The following MACROD2 variants were observed in gnomAD, a reference collection of about 807,000 sequenced individuals.
MACROD2 encodes mono-ADP ribosylhydrolase 2.
A neutral mutation model predicts 70.4 loss-of-function variants in MACROD2; 36 were observed. That is an observed-to-expected ratio of 0.51 (90% CI 0.39 to 0.68). The LOEUF is 0.68. MACROD2 is among the 30% of genes least tolerant of loss of function. MACROD2 has a pLI of 0.00. For missense variants in MACROD2, 496 were observed against 538.4 expected, an observed-to-expected ratio of 0.92 and a Z score of 0.78; for synonymous variants, 172 against 178.8, an observed-to-expected ratio of 0.96 and a Z score of 0.30.
At chr20:14,419,567 G>A (rs555864306) in intron 3 of MACROD2, among the ~76,000 whole-genome samples, 32 of 152,054 alleles carry the variant, frequency 2.1e-4, no homozygotes, top group African/African-American at 7.7e-4. Context: ...CCCTCCTCCC[G>A]CTCTAGCTGC....
At position 16,050,130 on chromosome 20, in the gene MACROD2, A is replaced by C. The variant is rs1029580234; in HGVS notation, c.*254A>C. On this transcript the variant is annotated 3_prime_UTR_variant, in exon 18 of 18. Transcript: ENST00000684519. Reference sequence around the variant, plus strand: ...GCATCTTTCAGGCATTATCCTTGTAATTTCTGTCTTTTCTCTTACAACTTT... The same window carrying C: ...GCATCTTTCAGGCATTATCCTTGTACTTTCTGTCTTTTCTCTTACAACTTT... 5.7e-6 allele frequency: 2 copies of C among 353,084 alleles called. No homozygotes were observed. Among genetic ancestry groups the C allele is most frequent in the Non-Finnish European group, 1.0e-5 (2 of 190,682 alleles). 21.9% of individuals were successfully genotyped at this position (353,084 alleles called of 1,614,324 possible). A position where few individuals can be genotyped will look rare whatever the true frequency, so the allele number is the denominator to read the frequency against.
Position 14,237,318 on chromosome 20 carries a change from A to G in MACROD2, c.271+151590A>G, listed in dbSNP as rs1360359795. On this transcript the variant is annotated intron_variant, in intron 3 of 17. Transcript: ENST00000684519. ...TGATGATTCTTTTTTTTGTTAGAGA[A>G]TATCAGCCACATACTTTGTATATAT... Among the ~76,000 whole-genome samples the G allele has an allele frequency of 2.6e-5, 4 of 152,132 alleles. No homozygotes were observed. In the South Asian group the frequency reaches 6.2e-4, roughly 24 times the overall value.
At chr20:15,131,419 AAAAT>A (rs1310914515) in intron 5 of MACROD2, among the ~76,000 whole-genome samples, 1 of 152,124 alleles carries the variant, frequency 6.6e-6, no homozygotes, top group Non-Finnish European at 1.5e-5. Context: ...TTTGGTGAGA[AAAAT>A]AAACAAGTCA....
At chr20:14,384,030 T>C (rs2083447770) in intron 3 of MACROD2, among the ~76,000 whole-genome samples, 1 of 152,182 alleles carries the variant, frequency 6.6e-6, no homozygotes, top group African/African-American at 2.4e-5. Context: ...GCTTTGATCA[T>C]TTAAATGCTT....
intron 6 of MACROD2, among the ~76,000 whole-genome samples, chr20:15,327,718 C>T (rs947496880): frequency 6.6e-6 from 1 of 151,972 alleles, no homozygotes; most frequent in Non-Finnish European, 1.5e-5. Flanking sequence ...ATCACTGCCC[C>T]CTACTTCTGC....
intron 10 of MACROD2, among the ~76,000 whole-genome samples, chr20:15,895,444 G>C (rs778417551): frequency 6.6e-6 from 1 of 152,250 alleles, no homozygotes; most frequent in Non-Finnish European, 1.5e-5. Flanking sequence ...AAAAAGTAAA[G>C]ATAGCTGGGC....
intron 8 of MACROD2, among the ~76,000 whole-genome samples, chr20:15,822,844 G>A (rs1218913277): frequency 6.6e-6 from 1 of 152,148 alleles, no homozygotes; most frequent in Non-Finnish European, 1.5e-5. Context: ...GCAGATAAGG[G>A]AGGAAGAGGT....
chr20:14,653,589 CAAGTGATTCTCCTGCCTTGGCCTCCCA>C (rs1434068190), intron 4 of MACROD2, among the ~76,000 whole-genome samples: 1 of 151,648 alleles, frequency 6.6e-6, no homozygotes, highest in African/African-American at 2.4e-5. Context: ...CTCCTTGCCT[CAAGTGATTCTCCTGCCTTGGCCTCCCA>C]AAGTGCTGGG....
intron 3 of MACROD2, among the ~76,000 whole-genome samples, chr20:14,447,501 G>T (rs1250871810): frequency 6.6e-6 from 1 of 151,902 alleles, no homozygotes; most frequent in Non-Finnish European, 1.5e-5. Flanking sequence ...ACGTACACGT[G>T]TGTGTGTGTG....
intron 15 of MACROD2, among the ~76,000 whole-genome samples, chr20:16,028,534 C>A (rs943530092): frequency 6.6e-6 from 1 of 152,140 alleles, no homozygotes; most frequent in Non-Finnish European, 1.5e-5. Context: ...TTCTATATAT[C>A]AGGATCTCGT....
chr20:15,180,470 G>A (rs2145901459), intron 5 of MACROD2, among the ~76,000 whole-genome samples: 1 of 152,330 alleles, frequency 6.6e-6, no homozygotes, highest in African/African-American at 2.4e-5. Context: ...ATCATGTAAT[G>A]TTTGAGAATT....
intron 3 of MACROD2, among the ~76,000 whole-genome samples, chr20:14,162,001 G>A (rs1230496326): frequency 6.6e-6 from 1 of 152,158 alleles, no homozygotes; most frequent in African/African-American, 2.4e-5. Flanking sequence ...CTACCTTTTT[G>A]ATGTAGGTGT....
At chr20:15,132,719 C>T (rs969988907) in intron 5 of MACROD2, among the ~76,000 whole-genome samples, 6 of 151,840 alleles carry the variant, frequency 4.0e-5, no homozygotes, top group Admixed American at 1.3e-4. Context: ...TGACAAAATG[C>T]AAGACCATTT....
chr20:15,192,684 A>G (rs570563744), intron 5 of MACROD2, among the ~76,000 whole-genome samples: 18 of 152,238 alleles, frequency 1.2e-4, no homozygotes, highest in African/African-American at 3.9e-4. Flanking sequence ...CCATACATCC[A>G]GACACTGACA....
intron 3 of MACROD2, among the ~76,000 whole-genome samples, chr20:14,440,610 G>T (rs1233195802): frequency 2.0e-5 from 3 of 152,192 alleles, no homozygotes; most frequent in Non-Finnish European, 2.9e-5. Context: ...TGAGAACAGA[G>T]AGAAAATGAG....
chr20:15,881,911 T>A (rs2147202410), intron 9 of MACROD2, among the ~76,000 whole-genome samples: 1 of 152,280 alleles, frequency 6.6e-6, no homozygotes, highest in Non-Finnish European at 1.5e-5. Context: ...ACTTTTTCTA[T>A]GTCAGATTTC....
At chr20:14,387,793 C>T (rs1685057949) in intron 3 of MACROD2, among the ~76,000 whole-genome samples, 1 of 152,168 alleles carries the variant, frequency 6.6e-6, no homozygotes, top group Non-Finnish European at 1.5e-5. Context: ...TCCCTTTACA[C>T]TCTCCTCATG....
At chr20:15,340,130 CTTTT>C (rs869080087) in intron 6 of MACROD2, among the ~76,000 whole-genome samples, 6 of 39,288 alleles carry the variant, frequency 1.5e-4, no homozygotes, top group Non-Finnish European at 2.6e-4. Context: ...TTCTTTCTTT[CTTTT>C]TTTTTTTTTT....
chr20:15,965,775 G>C (rs1429001579), intron 12 of MACROD2, among the ~76,000 whole-genome samples: 2 of 152,026 alleles, frequency 1.3e-5, no homozygotes, highest in African/African-American at 4.8e-5. Context: ...ATGGGAGCTG[G>C]TTTAAAACAA....
Sources: allele counts gnomAD v4.1 joint callset (sites outside exome capture counted in the v4.1 genomes callset), GRCh38; gene constraint gnomAD v4.1.1; transcripts MANE v1.5; gene names NCBI Gene and HGNC (gene_info 2026-07-23, HGNC 2026-07-21).